The following ENTPD3 variants were observed in gnomAD, a reference collection of about 807,000 sequenced individuals.
ENTPD3 encodes the protein CD39 antigen-like 3.
A neutral mutation model predicts 51.2 loss-of-function variants in ENTPD3; 60 were observed. The observed-to-expected ratio is 1.17, with a 90% CI of 0.95 to 1.45. The LOEUF is 1.45. ENTPD3 is among the 40% of genes most tolerant of loss of function. The pLI, the probability that ENTPD3 is intolerant of heterozygous loss-of-function variation, is 0.00. For missense variants in ENTPD3, 593 were observed against 641.1 expected (o/e 0.93, Z 0.81); for synonymous variants, 221 against 238.4 (o/e 0.93, Z 0.67).
chr3:40,417,311 T>G (rs1239679338), intron 7 of ENTPD3, among the ~76,000 whole-genome samples: 1 of 152,168 alleles, frequency 6.6e-6, no homozygotes, highest in African/African-American at 2.4e-5. Flanking sequence ...TGGTTCATGG[T>G]TCTGTGAGCT....
rs549054144 is a variant in ENTPD3 at position 40,426,822 on chromosome 3, A to G, written c.1354-450A>G. On this transcript the variant is annotated intron_variant, in intron 10 of 10. Transcript: ENST00000301825. The stretch of plus-strand genomic sequence containing the variant: ...AGGTGAAACATTTATACACCTAATA[A>G]AACACCCTAAAAACATGTAAAGCAA... Among the ~76,000 whole-genome samples the G allele has an allele frequency of 2.7e-4, 41 of 152,306 alleles. No homozygotes were observed. In the South Asian group the frequency reaches 7.9e-3, roughly 29 times the overall value.
At chr3:40,395,684 C>A (rs976701005) in intron 3 of ENTPD3, among the ~76,000 whole-genome samples, 2 of 152,214 alleles carry the variant, frequency 1.3e-5, no homozygotes, top group African/African-American at 4.8e-5. Context: ...CACCAGCTTC[C>A]ATCAGTCATT....
chr3:40,424,433 C>A (rs1162535854), intron 10 of ENTPD3, among the ~76,000 whole-genome samples: 1 of 152,076 alleles, frequency 6.6e-6, no homozygotes, highest in Non-Finnish European at 1.5e-5. Flanking sequence ...GGCCTTAGGG[C>A]CTGATGGATT....
At chr3:40,411,755 G>T in intron 4 of ENTPD3, 57 bp from the exon 5 acceptor site, 1 of 1,501,866 alleles carries the variant, frequency 6.7e-7, no homozygotes, top group Non-Finnish European at 8.9e-7. Context: ...TTTAAAAGTT[G>T]TATCACTGCG....
chr3:40,409,767 G>A (rs1303223042), intron 4 of ENTPD3, among the ~76,000 whole-genome samples: 1 of 152,032 alleles, frequency 6.6e-6, no homozygotes, highest in African/African-American at 2.4e-5. Flanking sequence ...TGGACTGGGA[G>A]AACAAATTAA....
At chr3:40,400,171 A>G (rs557744084) in intron 3 of ENTPD3, among the ~76,000 whole-genome samples, 1 of 151,774 alleles carries the variant, frequency 6.6e-6, no homozygotes, top group African/African-American at 2.4e-5. Flanking sequence ...AGGCTGAGGC[A>G]GGAGAATCAC....
intron 4 of ENTPD3, among the ~76,000 whole-genome samples, chr3:40,408,707 T>C (rs2125599877): frequency 6.6e-6 from 1 of 152,254 alleles, no homozygotes; most frequent in South Asian, 2.1e-4. Flanking sequence ...AAATAATATA[T>C]TTTCATTGTG....
chr3:40,411,155 G>T (rs1411734327), intron 4 of ENTPD3, among the ~76,000 whole-genome samples: 1 of 151,906 alleles, frequency 6.6e-6, no homozygotes, highest in African/African-American at 2.4e-5. Context: ...GCCAGGCGTG[G>T]TGGTGCACGC....
At chr3:40,415,062 A>C (rs914031728) in intron 6 of ENTPD3, among the ~76,000 whole-genome samples, 2 of 152,168 alleles carry the variant, frequency 1.3e-5, no homozygotes, top group South Asian at 2.1e-4. Context: ...GAGGGAGGGA[A>C]TCTTGTCACT....
rs982028352 is a variant in ENTPD3, at chr3:40,411,858, A to C, written c.333A>C (p.Arg111Ser). 19 of 1,609,568 alleles carry C rather than the reference A, an allele frequency of 1.2e-5. No homozygotes were observed. The highest frequency in any genetic ancestry group is 1.6e-5 in the Non-Finnish European group (19 of 1,178,076). Residue 111 changes from arginine (R) to serine (S), a missense_variant, in exon 5 of 11, where the codon AGA becomes AGC. Arg to Ser is a moderately radical substitution (Grantham distance 110). Transcript: ENST00000301825. ...GAAATAACCCCCAAGATGTCCCCAGAGCCTTTGAGGAGTGTATGCAAAAAG... is the reference window on the plus strand; with the variant it reads ...GAAATAACCCCCAAGATGTCCCCAGCGCCTTTGAGGAGTGTATGCAAAAAG... ...SYGNNPQDVP[R>S]AFEECMQKVK...
intron 1 of ENTPD3, among the ~76,000 whole-genome samples, chr3:40,387,762 CAGG>C (rs1455730401): frequency 5.3e-5 from 8 of 152,122 alleles, no homozygotes; most frequent in Non-Finnish European, 1.2e-4. Context: ...GGTGTGTGTA[CAGG>C]TGGAACAATC....
chr3:40,418,863 AT>A (rs1300950496), intron 7 of ENTPD3, among the ~76,000 whole-genome samples: 1 of 152,098 alleles, frequency 6.6e-6, no homozygotes, highest in African/African-American at 2.4e-5. Context: ...TTAAAATACG[AT>A]TTTTTATGAG....
At chr3:40,424,994 A>T (rs1955955028) in intron 10 of ENTPD3, 2 of 409,868 alleles carry the variant, frequency 4.9e-6, no homozygotes, top group South Asian at 9.6e-5. Flanking sequence ...AATTACCAGT[A>T]AAGTATATTA....
chr3:40,414,011 T>C (rs747082750), intron 5 of ENTPD3, among the ~76,000 whole-genome samples: 41 of 152,178 alleles, frequency 2.7e-4, no homozygotes, highest in Non-Finnish European at 2.9e-4. Flanking sequence ...GGATGAAAGA[T>C]GAAATAATCT....
chr3:40,422,061 A>G (rs538805887), intron 7 of ENTPD3, among the ~76,000 whole-genome samples: 8 of 152,216 alleles, frequency 5.3e-5, no homozygotes, highest in African/African-American at 1.9e-4. Flanking sequence ...AACCTGGTTC[A>G]TAGGGCTATC....
chr3:40,393,760 G>A (rs776568486), intron 3 of ENTPD3, among the ~76,000 whole-genome samples: 19 of 152,108 alleles, frequency 1.2e-4, no homozygotes, highest in Non-Finnish European at 2.4e-4. Flanking sequence ...CCAAGCTCCA[G>A]GCACTGCCTT....
At chr3:40,389,691 T>C (rs1955011956) in intron 2 of ENTPD3, among the ~76,000 whole-genome samples, 1 of 152,092 alleles carries the variant, frequency 6.6e-6, no homozygotes, top group Admixed American at 6.5e-5. Context: ...GGGGAATCAG[T>C]TGAGATGGAA....
intron 3 of ENTPD3, among the ~76,000 whole-genome samples, chr3:40,398,909 A>G (rs1196433814): frequency 2.0e-5 from 3 of 152,152 alleles, no homozygotes; most frequent in Admixed American, 2.0e-4. Flanking sequence ...CATGTTCATG[A>G]TATACTTTTA....
intron 1 of ENTPD3, 186 bp from the exon 2 acceptor site, chr3:40,387,860 T>C (rs1012653387): frequency 3.6e-6 from 2 of 561,728 alleles, no homozygotes; most frequent in South Asian, 2.3e-5. Context: ...TTTGGGGAGA[T>C]GACATGAAAT....
Sources: gnomAD v4.1 joint callset for allele counts (sites outside exome capture counted in the v4.1 genomes callset) on GRCh38, gnomAD v4.1.1 for gene constraint, MANE v1.5 for transcripts, NCBI Gene and HGNC (gene_info 2026-07-23, HGNC 2026-07-21) for gene names.